Variants in NXN observed in about 807,000 individuals in gnomAD.
NXN encodes the protein nucleoredoxin.
In NXN, 16 loss-of-function variants were observed where a neutral mutation model predicts 48.6. The observed-to-expected ratio is 0.33, with a 90% CI of 0.22 to 0.50. The LOEUF is 0.50. Ranked by LOEUF, NXN falls within the 20% of genes least tolerant of loss-of-function variation. The pLI is 0.98. For missense variants in NXN, 492 were observed against 605.5 expected (o/e 0.81, Z 1.97); for synonymous variants, 281 against 269.6 (o/e 1.04, Z -0.41).
intron 1 of NXN, among the ~76,000 whole-genome samples, chr17:909,115 A>AAC (rs1265758755): frequency 6.4e-5 from 2 of 31,216 alleles, no homozygotes; most frequent in African/African-American, 1.9e-4. Flanking sequence ...AAAAAAAAAA[A>AAC]AAAAAAAAAA....
chr17:955,080 T>C (rs1344291204), intron 1 of NXN, among the ~76,000 whole-genome samples: 1 of 152,058 alleles, frequency 6.6e-6, no homozygotes, highest in East Asian at 1.9e-4. Flanking sequence ...GAGTGGTCTT[T>C]TCTAGAGGCT....
intron 1 of NXN, among the ~76,000 whole-genome samples, chr17:962,442 T>G (rs1416031687): frequency 6.6e-6 from 1 of 151,974 alleles, no homozygotes; most frequent in Non-Finnish European, 1.5e-5. Flanking sequence ...TGGAAGCAGG[T>G]GGATCACTTG....
intron 1 of NXN, among the ~76,000 whole-genome samples, chr17:887,236 G>A (rs575978330): frequency 4.9e-4 from 75 of 152,168 alleles, no homozygotes; most frequent in Non-Finnish European, 8.8e-4. Context: ...TATCTGGTGG[G>A]AGCTCCATAA....
At chr17:812,641 AGT>A (rs946916163) in intron 5 of NXN, among the ~76,000 whole-genome samples, 2 of 147,022 alleles carry the variant, frequency 1.4e-5, no homozygotes, top group Non-Finnish European at 3.0e-5. Context: ...GGTGTGTGTG[AGT>A]GTGCATGTGT....
At chr17:810,494 G>C (rs1024487139) in intron 5 of NXN, among the ~76,000 whole-genome samples, 1 of 152,202 alleles carries the variant, frequency 6.6e-6, no homozygotes, top group Non-Finnish European at 1.5e-5. Context: ...CCGTGGGGGT[G>C]AGATGGGATG....
intron 4 of NXN, 145 bp from the exon 5 acceptor site, chr17:819,690 GA>G: frequency 3.3e-6 from 2 of 605,262 alleles, no homozygotes; most frequent in Non-Finnish European, 5.8e-6. Context: ...CAGGCTATGG[GA>G]GTGTGTTATT....
chr17:961,666 G>C lies in NXN; in HGVS notation c.360+17653C>G, dbSNP rs1303256451. ...AATTCCCCTTCCCTTCTTAAATCAA[G>C]TCCTCCCTTAGGGCTCACTGAATCT... On this transcript the variant is annotated intron_variant, in intron 1 of 7. Coordinates refer to ENST00000336868, the MANE Select transcript of NXN (RefSeq NM_022463.5). 2.0e-5 allele frequency among the ~76,000 whole-genome samples: 3 copies of C among 152,090 alleles called. No homozygotes were observed. The East Asian group carries it at 5.8e-4, about 29-fold the overall frequency.
At chr17:866,446 G>A (rs776923489) in intron 1 of NXN, among the ~76,000 whole-genome samples, 6 of 152,058 alleles carry the variant, frequency 3.9e-5, no homozygotes, top group Non-Finnish European at 8.8e-5. Context: ...GGTGGCGGGC[G>A]CCTGTAGTCT....
chr17:880,326 T>A (rs1482979293), intron 1 of NXN, among the ~76,000 whole-genome samples: 1 of 151,786 alleles, frequency 6.6e-6, no homozygotes, highest in Non-Finnish European at 1.5e-5. Flanking sequence ...ACTAAATACC[T>A]TGGATTAACA....
At chr17:904,172 T>C (rs2068561647) in intron 1 of NXN, among the ~76,000 whole-genome samples, 1 of 152,218 alleles carries the variant, frequency 6.6e-6, no homozygotes, top group African/African-American at 2.4e-5. Context: ...TCGACTGCCC[T>C]AAGAGTTCTT....
In NXN at chr17:955,705, G is replaced by A. The variant is rs1354657634; in HGVS notation, c.360+23614C>T. ...AGGTCAGGAGATTGAGACCATCCTGGCTAACACGGTGAAACCCTGTCTCTA... is the reference window on the plus strand; with the variant it reads ...AGGTCAGGAGATTGAGACCATCCTGACTAACACGGTGAAACCCTGTCTCTA... On this transcript the variant is annotated intron_variant, in intron 1 of 7. Coordinates refer to ENST00000336868, the MANE Select transcript of NXN (RefSeq NM_022463.5). Among the ~76,000 whole-genome samples, 8 of 150,964 alleles carry A rather than the reference G, an allele frequency of 5.3e-5. No homozygotes were observed. In the South Asian group the frequency reaches 1.5e-3, roughly 28 times the overall value.
At chr17:977,735 G>C (rs1411080809) in intron 1 of NXN, among the ~76,000 whole-genome samples, 1 of 152,092 alleles carries the variant, frequency 6.6e-6, no homozygotes, top group Non-Finnish European at 1.5e-5. Flanking sequence ...AATGTTTTTT[G>C]GCAAATCCCT....
intron 1 of NXN, among the ~76,000 whole-genome samples, chr17:934,940 T>C (rs962388464): frequency 6.6e-6 from 1 of 152,114 alleles, no homozygotes; most frequent in Non-Finnish European, 1.5e-5. Flanking sequence ...GAGTCCTCAC[T>C]TGCTGCCACT....
rs1597654519 is a variant in NXN at position 842,417 on chromosome 17, C to T, written c.361-16339G>A. 18 of 658,652 alleles carry T rather than the reference C, an allele frequency of 2.7e-5. No homozygotes were observed. The South Asian group carries it at 1.2e-3, about 44-fold the overall frequency. The allele number at this position is 658,652 out of a possible 1,614,324, so 40.8% of individuals were successfully genotyped here. A position where few individuals can be genotyped will look rare whatever the true frequency, so the allele number is the denominator to read the frequency against. ...TGCAGTGCTGCACATGGCCGGGAGC[C>T]CGGGTCCGGCTGTGGGCTGCAGTTC... On this transcript the variant is annotated intron_variant, in intron 1 of 7. Transcript: ENST00000336868.
chr17:954,229 A>C (rs550659452), intron 1 of NXN, among the ~76,000 whole-genome samples: 1 of 151,832 alleles, frequency 6.6e-6, no homozygotes, highest in Admixed American at 6.6e-5. Context: ...AATACAAAAA[A>C]ACTTAGCCAG....
Position 923,183 on chromosome 17 carries a change from C to T in NXN, c.360+56136G>A, listed in dbSNP as rs187713225. Among the ~76,000 whole-genome samples, 91 of 152,158 alleles carry T rather than the reference C, an allele frequency of 6.0e-4. No individual in the cohort carries two copies. The East Asian group carries it at 0.013, about 21-fold the overall frequency. ...GCGCGGTGGCTCACACCTGGAATCC[C>T]GACACTTTGGGAGGCCAAGGCAGGA... On this transcript the variant is annotated intron_variant, in intron 1 of 7. Coordinates refer to ENST00000336868, the MANE Select transcript of NXN (RefSeq NM_022463.5).
At position 823,755 on chromosome 17, in the gene NXN, G is replaced by A. The variant is rs1333370230; in HGVS notation, c.489C>T (p.Phe163=). The A allele has an allele frequency of 6.2e-7, 1 of 1,613,972 alleles. No individual in the cohort carries two copies. The highest frequency in any genetic ancestry group is 8.5e-7 in the Non-Finnish European group (1 of 1,180,010). The stretch of plus-strand genomic sequence containing the variant: ...CCCTGAAGGGTTTCGGTCCCCAGGG[G>A]AACTCCAGACCTGAAACAGAAAACA... ...VIRDDPEGLE[F]PWGPKPFREV... The change falls in exon 3 of 8, where the codon TTC becomes TTT. Residue 163 remains phenylalanine (F), a synonymous_variant. Coordinates refer to ENST00000336868, the MANE Select transcript of NXN (RefSeq NM_022463.5).
chr17:813,767 G>C (rs557976885), intron 5 of NXN, among the ~76,000 whole-genome samples: 1 of 150,570 alleles, frequency 6.6e-6, no homozygotes, highest in South Asian at 2.1e-4. Flanking sequence ...AGGAGTTTGA[G>C]ACCAGCCTGG....
chr17:940,163 G>A (rs1597258681), intron 1 of NXN, among the ~76,000 whole-genome samples: 1 of 151,546 alleles, frequency 6.6e-6, no homozygotes, highest in Non-Finnish European at 1.5e-5. Context: ...CCCCAGGCTG[G>A]CCTCAGGTGA....
Sources: allele counts gnomAD v4.1 joint callset (sites outside exome capture counted in the v4.1 genomes callset), GRCh38; gene constraint gnomAD v4.1.1; transcripts MANE v1.5; gene names NCBI Gene and HGNC (gene_info 2026-07-23, HGNC 2026-07-21).